The following CEP57 variants were observed in gnomAD, a reference collection of about 807,000 sequenced individuals.
The protein encoded by CEP57 is centrosomal protein 57.
A neutral mutation model predicts 68.0 loss-of-function variants in CEP57; 40 were observed. The observed-to-expected ratio is 0.59, with a 90% CI of 0.46 to 0.77. The LOEUF (loss-of-function observed/expected upper bound fraction) is 0.77, where lower values mean the gene tolerates loss of function less well. Ranked by LOEUF, CEP57 falls within the 30% of genes least tolerant of loss-of-function variation. CEP57 has a pLI of 0.00. For synonymous variants in CEP57, 219 were observed against 198.7 expected, an observed-to-expected ratio of 1.10 and a Z score of -0.86; for missense variants, 606 against 580.7, an observed-to-expected ratio of 1.04 and a Z score of -0.45.
At chr11:95,807,918 C>G (rs1861880404) in intron 2 of CEP57, among the ~76,000 whole-genome samples, 1 of 152,106 alleles carries the variant, frequency 6.6e-6, no homozygotes, top group Non-Finnish European at 1.5e-5. Flanking sequence ...ACATAATTGT[C>G]AGATTCACCA....
chr11:95,809,254 A>G (rs1861945596), intron 2 of CEP57, among the ~76,000 whole-genome samples: 1 of 152,232 alleles, frequency 6.6e-6, no homozygotes, highest in African/African-American at 2.4e-5. Flanking sequence ...AAAGCAGGAA[A>G]GATCTAAAAT....
chr11:95,818,064 C>A, intron 5 of CEP57, 161 bp downstream of exon 5: 1 of 603,488 alleles, frequency 1.7e-6, no homozygotes, highest in South Asian at 2.0e-5. Flanking sequence ...AGAGAATGTT[C>A]ACATTTTACA....
chr11:95,798,322 G>T (rs567330784), intron 1 of CEP57, among the ~76,000 whole-genome samples: 1 of 152,288 alleles, frequency 6.6e-6, no homozygotes, highest in East Asian at 1.9e-4. Flanking sequence ...TTTAAATACA[G>T]TGCAGGTATT....
chr11:95,794,709 T>A (rs947626517), intron 1 of CEP57, among the ~76,000 whole-genome samples: 6 of 152,192 alleles, frequency 3.9e-5, no homozygotes, highest in Admixed American at 1.3e-4. Context: ...AATGTAAAAT[T>A]TGTTAGTCTT....
intron 4 of CEP57, among the ~76,000 whole-genome samples, chr11:95,813,960 C>A (rs1341185418): frequency 2.6e-5 from 4 of 152,216 alleles, no homozygotes; most frequent in Non-Finnish European, 5.9e-5. Context: ...CTTAGCATAG[C>A]ATTTTTGTGC....
chr11:95,790,480 C>T (rs1277836767), upstream of CEP57: 1 of 600,824 alleles, frequency 1.7e-6, no homozygotes, highest in African/African-American at 1.9e-5. Context: ...GGAAAGACGT[C>T]CGTTAGGACG....
chr11:95,813,142 C>G (rs1565322370), intron 3 of CEP57, 31 bp downstream of exon 3: 2 of 1,594,012 alleles, frequency 1.3e-6, no homozygotes, highest in African/African-American at 1.3e-5. Flanking sequence ...AAAATTCTAT[C>G]AAAATAAGTG....
chr11:95,808,836 G>T (rs1216224974), intron 2 of CEP57, among the ~76,000 whole-genome samples: 1 of 152,168 alleles, frequency 6.6e-6, no homozygotes, highest in Non-Finnish European at 1.5e-5. Flanking sequence ...ATTGAACTTG[G>T]TTCTGCACCG....
intron 1 of CEP57, among the ~76,000 whole-genome samples, chr11:95,791,871 C>T (rs948028436): frequency 2.0e-5 from 3 of 151,846 alleles, no homozygotes; most frequent in Non-Finnish European, 4.4e-5. Context: ...AGAAGTAATA[C>T]GGAGGTAGAG....
chr11:95,830,971 A>C (rs560894843), intron 10 of CEP57, 55 bp from the exon 11 acceptor site: 9 of 1,423,184 alleles, frequency 6.3e-6, no homozygotes, highest in Non-Finnish European at 8.9e-6. Flanking sequence ...TTGTCAGAAA[A>C]AAAATATTTT....
chr11:95,821,742 TAC>T (rs1209737894), intron 6 of CEP57, 127 bp from the exon 7 acceptor site: 2 of 680,556 alleles, frequency 2.9e-6, no homozygotes, highest in Non-Finnish European at 5.4e-6. Flanking sequence ...GACATAGTTA[TAC>T]AGCTGTAATA....
At chr11:95,791,700 G>A (rs1861087801) in intron 1 of CEP57, among the ~76,000 whole-genome samples, 3 of 152,210 alleles carry the variant, frequency 2.0e-5, no homozygotes, top group Admixed American at 2.0e-4. Flanking sequence ...GTAGGCTAGA[G>A]AAGGTTTCCT....
At chr11:95,823,791 G>T (rs1237503329) in intron 8 of CEP57, among the ~76,000 whole-genome samples, 5 of 152,088 alleles carry the variant, frequency 3.3e-5, no homozygotes, top group Non-Finnish European at 7.3e-5. Context: ...ATCTTCAAAT[G>T]AGCAGTTCAT....
rs758971039 is a variant in CEP57 at position 95,790,661 on chromosome 11, GC to G, written c.-33del. 3.1e-6 allele frequency: 5 copies of G among 1,609,828 alleles called. No individual in the cohort carries two copies. The highest frequency in any genetic ancestry group is 4.2e-6 in the Non-Finnish European group (5 of 1,178,104). On this transcript the variant is annotated 5_prime_UTR_variant, in exon 1 of 11. Transcript: ENST00000325542. ...GGAGAAGAGCACGAGAACCTAGACC[GC>G]CCCCGAAGTGCGGAGACCCCCTGGG...
chr11:95,822,696 G>GATCATGCCTTTACCAGTGTGTGT, intron 8 of CEP57, 120 bp downstream of exon 8: 1 of 861,394 alleles, frequency 1.2e-6, no homozygotes, highest in South Asian at 1.4e-5. Context: ...CCAGTGTGTG[G>GATCATGCCTTTACCAGTGTGTGT]ATCACAGTGA....
intron 2 of CEP57, among the ~76,000 whole-genome samples, chr11:95,807,438 T>C (rs1175727780): frequency 6.6e-6 from 1 of 152,160 alleles, no homozygotes; most frequent in Non-Finnish European, 1.5e-5. Flanking sequence ...AGGAAGATAT[T>C]TGAACCCATT....
At chr11:95,804,832 A>T (rs1412433090) in intron 2 of CEP57, among the ~76,000 whole-genome samples, 1 of 152,218 alleles carries the variant, frequency 6.6e-6, no homozygotes, top group Non-Finnish European at 1.5e-5. Context: ...AAATGTTTAT[A>T]ATTACTACAT....
At chr11:95,795,457 C>T (rs1034543574) in intron 1 of CEP57, 20 of 426,504 alleles carry the variant, frequency 4.7e-5, no homozygotes, top group Non-Finnish European at 7.1e-5. Context: ...AGTCATGATA[C>T]GAAATTGGGA....
At chr11:95,811,389 T>G (rs559099284) in intron 2 of CEP57, among the ~76,000 whole-genome samples, 1 of 135,026 alleles carries the variant, frequency 7.4e-6, no homozygotes, top group Non-Finnish European at 1.5e-5. Flanking sequence ...ATGAGAACAC[T>G]TGGACACAGG....
Sources: gnomAD v4.1 joint callset for allele counts (sites outside exome capture counted in the v4.1 genomes callset) on GRCh38, gnomAD v4.1.1 for gene constraint, MANE v1.5 for transcripts, NCBI Gene and HGNC (gene_info 2026-07-23, HGNC 2026-07-21) for gene names.